ANOS1: variants seen among roughly 807,000 people sequenced by gnomAD.
ANOS1 encodes the protein anosmin 1, also known as anosmin-1.
Under a neutral mutation model 59.0 loss-of-function variants are expected in ANOS1, and 6 were observed. The observed-to-expected ratio is 0.10, with a 90% CI of 0.06 to 0.20. The LOEUF is 0.20. Among genes scored for constraint, ANOS1 ranks in the 10% least tolerant of loss-of-function variants. The probability of loss-of-function intolerance (pLI) is 1.00; values close to 1 mark genes in which losing one functional copy is unlikely to be tolerated. For missense variants in ANOS1, 433 were observed against 542.3 expected, an observed-to-expected ratio of 0.80 and a Z score of 2.00; for synonymous variants, 217 against 223.4, an observed-to-expected ratio of 0.97 and a Z score of 0.25.
intron 1 of ANOS1, among the ~76,000 whole-genome samples, chrX:8,713,294 A>T (rs924719341): frequency 2.7e-5 from 3 of 110,108 alleles, no homozygotes; most frequent in African/African-American, 3.3e-5. Flanking sequence ...ACAGTTCCAA[A>T]GCTAGAACTT....
intron 3 of ANOS1, among the ~76,000 whole-genome samples, chrX:8,604,959 T>C (rs908965445): frequency 8.9e-6 from 1 of 112,851 alleles, no homozygotes; most frequent in Admixed American, 9.4e-5. Context: ...AGGATCCTTA[T>C]TTTTTAACAA....
At chrX:8,584,426 G>GT (rs1041406797) in intron 6 of ANOS1, among the ~76,000 whole-genome samples, 3 of 106,622 alleles carry the variant, frequency 2.8e-5, no homozygotes, top group Non-Finnish European at 5.8e-5. Context: ...TTGTTTGTTT[G>GT]TTTTTAAAAA....
chrX:8,572,173 C>A (rs1480347407), intron 6 of ANOS1, among the ~76,000 whole-genome samples: 2 of 109,981 alleles, frequency 1.8e-5, no homozygotes, highest in East Asian at 5.7e-4. Context: ...GGTACATGTG[C>A]AGGCTTGTTA....
intron 1 of ANOS1, among the ~76,000 whole-genome samples, chrX:8,707,525 T>C (rs1282663016): frequency 8.9e-6 from 1 of 111,884 alleles, no homozygotes; most frequent in Non-Finnish European, 1.9e-5. Context: ...ACTAATTATC[T>C]TTTTATAGGG....
intron 2 of ANOS1, among the ~76,000 whole-genome samples, chrX:8,697,429 C>T (rs1478430939): frequency 9.1e-6 from 1 of 109,746 alleles, no homozygotes; most frequent in Non-Finnish European, 1.9e-5. Flanking sequence ...TTCCAGCAGC[C>T]ATGAGGAAAT....
intron 2 of ANOS1, among the ~76,000 whole-genome samples, chrX:8,632,964 T>C (rs1239327690): frequency 9.0e-6 from 1 of 111,639 alleles, no homozygotes; most frequent in Non-Finnish European, 1.9e-5. Context: ...TCCTAAAATA[T>C]GTGCACCCTA....
intron 1 of ANOS1, among the ~76,000 whole-genome samples, chrX:8,719,361 C>T (rs1932860374): frequency 8.9e-6 from 1 of 111,964 alleles, no homozygotes; most frequent in Admixed American, 9.5e-5. Flanking sequence ...GAGATTTAAA[C>T]AAGAGTTAAT....
chrX:8,701,921 G>A (rs950193463), intron 1 of ANOS1, among the ~76,000 whole-genome samples: 2 of 111,597 alleles, frequency 1.8e-5, no homozygotes, highest in African/African-American at 6.5e-5. Context: ...CCATATGAAT[G>A]CTTTAACTAT....
intron 4 of ANOS1, among the ~76,000 whole-genome samples, chrX:8,589,644 T>G (rs189147218): frequency 8.9e-5 from 10 of 112,552 alleles, no homozygotes; most frequent in African/African-American, 3.2e-4. Context: ...TGTTCTGCCA[T>G]GACATGCATT....
At chrX:8,552,316 T>C (rs913132516) in intron 9 of ANOS1, among the ~76,000 whole-genome samples, 2 of 112,286 alleles carry the variant, frequency 1.8e-5, no homozygotes, top group African/African-American at 6.5e-5. Flanking sequence ...TGACATACTC[T>C]ACGGCCTAAG....
At chrX:8,549,956 T>G (rs1356690712) in intron 9 of ANOS1, among the ~76,000 whole-genome samples, 2 of 112,057 alleles carry the variant, frequency 1.8e-5, no homozygotes, top group Non-Finnish European at 3.8e-5. Flanking sequence ...TCATGCCTAA[T>G]AGTATCACTT....
Position 8,585,271 on chromosome X carries a change from G to C in ANOS1, c.852C>G (p.Ser284=), listed in dbSNP as rs1930490997. 1 of 1,208,578 alleles carries C rather than the reference G, an allele frequency of 8.3e-7. No individual in the cohort carries two copies. The highest frequency in any genetic ancestry group is 1.8e-5 in the African/African-American group (1 of 57,051). The change falls in exon 6 of 14, where the codon TCC becomes TCG. Residue 284 remains serine (S), a synonymous_variant. Transcript: ENST00000262648. ...FTAPSKHFRS[S]KDPSAPPAPA... ...GGGAAGAAAAGGAAGACTGACCTTTGGAAGAACGGAAGTGTTTGCTGGGGG... is the reference window on the plus strand; with the variant it reads ...GGGAAGAAAAGGAAGACTGACCTTTCGAAGAACGGAAGTGTTTGCTGGGGG...
intron 5 of ANOS1, 47 bp from the exon 6 acceptor site, chrX:8,585,443 C>T: frequency 8.4e-7 from 1 of 1,194,414 alleles, no homozygotes; most frequent in Non-Finnish European, 1.1e-6. Context: ...ACTTTTTATT[C>T]CGACATGTTA....
At chrX:8,551,885 A>T (rs949377245) in intron 9 of ANOS1, among the ~76,000 whole-genome samples, 1 of 112,370 alleles carries the variant, frequency 8.9e-6, no homozygotes, top group African/African-American at 3.2e-5. Context: ...AGGCGGGAGA[A>T]TCGCTTGAAC....
At chrX:8,637,402 C>T (rs1037648427) in intron 2 of ANOS1, among the ~76,000 whole-genome samples, 2 of 112,151 alleles carry the variant, frequency 1.8e-5, no homozygotes, top group African/African-American at 6.5e-5. Flanking sequence ...TAACTCTAAG[C>T]TTACCTTCAT....
intron 3 of ANOS1, among the ~76,000 whole-genome samples, chrX:8,610,006 CAAAA>C (rs1167209336): frequency 0.21 from 1,860 of 8,957 alleles, 132 homozygotes; most frequent in African/African-American, 0.41. Context: ...GACTCCATCT[CAAAA>C]AAAAAAAAAA....
At chrX:8,662,375 G>A (rs1047459300) in intron 2 of ANOS1, among the ~76,000 whole-genome samples, 3 of 111,720 alleles carry the variant, frequency 2.7e-5, no homozygotes, top group Admixed American at 1.9e-4. Flanking sequence ...CGGGTTCTGC[G>A]TATAACACCA....
chrX:8,628,212 G>A (rs1248673859), intron 2 of ANOS1, among the ~76,000 whole-genome samples: 1 of 111,801 alleles, frequency 8.9e-6, no homozygotes, highest in Non-Finnish European at 1.9e-5. Context: ...CAAGTGCCAT[G>A]GCAATGTCCA....
intron 8 of ANOS1, among the ~76,000 whole-genome samples, chrX:8,554,840 A>T (rs1601951870): frequency 9.1e-6 from 1 of 110,109 alleles, no homozygotes; most frequent in South Asian, 3.9e-4. Context: ...AATTAACAAG[A>T]ACATTCAGGA....
Sources: gnomAD v4.1 joint callset for allele counts (sites outside exome capture counted in the v4.1 genomes callset) on GRCh38, gnomAD v4.1.1 for gene constraint, MANE v1.5 for transcripts, NCBI Gene and HGNC (gene_info 2026-07-23, HGNC 2026-07-21) for gene names.